The following EPRS1 variants were observed in gnomAD, a reference collection of about 807,000 sequenced individuals.
The protein encoded by EPRS1 is bifunctional glutamate/proline--tRNA ligase.
In EPRS1, 107 loss-of-function variants were observed where a neutral mutation model predicts 188.3. The ratio of observed to expected loss-of-function variants is 0.57; its 90% CI spans 0.49 to 0.67. The LOEUF (loss-of-function observed/expected upper bound fraction) is 0.67, where lower values mean the gene tolerates loss of function less well. EPRS1 is among the 30% of genes least tolerant of loss of function. EPRS1 has a pLI of 0.00. For missense variants in EPRS1, 1,577 were observed against 1,802.2 expected (o/e 0.88, Z 2.26); for synonymous variants, 596 against 593.1 (o/e 1.00, Z -0.07).
chr1:220,037,907 G>T (rs563005790), intron 2 of EPRS1, among the ~76,000 whole-genome samples: 2 of 152,034 alleles, frequency 1.3e-5, no homozygotes, highest in Non-Finnish European at 2.9e-5. Flanking sequence ...ATACTATGTG[G>T]CTCAGTAGTA....
At chr1:220,029,084 G>C (rs1662039085) in intron 6 of EPRS1, among the ~76,000 whole-genome samples, 1 of 152,100 alleles carries the variant, frequency 6.6e-6, no homozygotes, top group African/African-American at 2.4e-5. Context: ...AAATGTTCAA[G>C]TGGCGCAGCT....
intron 29 of EPRS1, 56 bp from the exon 30 acceptor site, chr1:219,972,203 T>C: frequency 8.9e-7 from 1 of 1,117,960 alleles, no homozygotes; most frequent in Admixed American, 2.3e-5. Context: ...ATGACAAAGT[T>C]TTATGAAACA....
chr1:220,015,213 C>T (rs1032642690), intron 12 of EPRS1, among the ~76,000 whole-genome samples: 3 of 152,092 alleles, frequency 2.0e-5, no homozygotes, highest in Non-Finnish European at 2.9e-5. Flanking sequence ...ACCTGTAATC[C>T]CAGCACTTTG....
At chr1:220,033,733 C>G in intron 3 of EPRS1, 75 bp from the exon 4 acceptor site, 2 of 1,055,920 alleles carry the variant, frequency 1.9e-6, no homozygotes, top group Non-Finnish European at 2.9e-6. Flanking sequence ...TAAAAAAATT[C>G]TAGTTAACTA....
intron 16 of EPRS1, among the ~76,000 whole-genome samples, chr1:220,004,547 A>C (rs1161241768): frequency 2.0e-5 from 3 of 152,190 alleles, no homozygotes; most frequent in Admixed American, 6.5e-5. Flanking sequence ...TGGGCAACAC[A>C]AACGACAGAG....
At chr1:220,026,868 GT>G (rs896365832) in intron 6 of EPRS1, among the ~76,000 whole-genome samples, 3 of 151,546 alleles carry the variant, frequency 2.0e-5, no homozygotes, top group Non-Finnish European at 2.9e-5. Flanking sequence ...AGGGGGAAAA[GT>G]TTATGAAATT....
intron 11 of EPRS1, 53 bp from the exon 12 acceptor site, chr1:220,018,561 T>C: frequency 8.6e-7 from 1 of 1,161,730 alleles, no homozygotes; most frequent in South Asian, 1.3e-5. Flanking sequence ...AATTAGAACT[T>C]TGCCTTTATT....
Position 220,007,267 on chromosome 1 carries a change from A to G in EPRS1, c.1677T>C (p.Thr559=). The change falls in exon 14 of 32, where the codon ACT becomes ACC. Residue 559 remains threonine, a synonymous_variant. Transcript: ENST00000366923. ...ATGTAACCATCTCACCCTCCGAAAA[A>G]GTCTCTGCATCAGCACCTTCAATGA... is the stretch of plus-strand genomic sequence containing the variant. The part of the protein sequence containing the change: ...KVFIEGADAE[T]FSEGEMVTFI... 6.2e-7 allele frequency: 1 copy of G among 1,613,934 alleles called. No individual in the cohort carries two copies. Among genetic ancestry groups the G allele is most frequent in the Non-Finnish European group, 8.5e-7 (1 of 1,179,862 alleles).
intron 12 of EPRS1, 47 bp from the exon 13 acceptor site, chr1:220,011,103 A>G (rs761238746): frequency 1.6e-5 from 17 of 1,056,562 alleles, no homozygotes; most frequent in Non-Finnish European, 2.2e-5. Context: ...TATCTTATAG[A>G]GCGCCATAAG....
In EPRS1 at chr1:220,020,180, C is replaced by T. The variant is rs1661841353; in HGVS notation, c.1157G>A (p.Ser386Asn). 6.2e-7 allele frequency: 1 copy of T among 1,613,938 alleles called. No homozygotes were observed. Among genetic ancestry groups the T allele is most frequent in the South Asian group, 1.1e-5 (1 of 91,042 alleles). Residue 386 changes from serine (S) to asparagine (N), a missense_variant, in exon 10 of 32, where the codon AGC (serine) becomes AAC (asparagine). Physicochemically the swap from Ser to Asn is conservative, Grantham distance 46 (BLOSUM62 1). Transcript: ENST00000366923. ...TYDFACPIVD[S>N]IEGVTHALRT... ...CAGGGCATGTGTAACACCTTCGATG[C>T]TGTCAACTATGGGGCAGGCAAAATC...
At chr1:220,001,085 C>T (rs1571673483) in intron 17 of EPRS1, 53 bp downstream of exon 17, 2 of 971,420 alleles carry the variant, frequency 2.1e-6, no homozygotes, top group East Asian at 2.4e-5. Flanking sequence ...TATTCTAAAC[C>T]CTGGGATAGA....
At chr1:220,001,671 G>A (rs1661354881) in intron 16 of EPRS1, among the ~76,000 whole-genome samples, 1 of 152,154 alleles carries the variant, frequency 6.6e-6, no homozygotes, top group Non-Finnish European at 1.5e-5. Flanking sequence ...ATAGTCCATT[G>A]TCTTACTATT....
chr1:219,983,000 T>C (rs1165234076), intron 22 of EPRS1, among the ~76,000 whole-genome samples, 156 bp from the exon 23 acceptor site: 2 of 152,244 alleles, frequency 1.3e-5, no homozygotes, highest in African/African-American at 4.8e-5. Flanking sequence ...AGGTACGCAC[T>C]TACTGACCTT....
In EPRS1 at chr1:220,024,106, C is replaced by T. The variant is rs561744688; in HGVS notation, c.943+158G>A. On this transcript the variant is annotated intron_variant, in intron 8 of 31. Transcript: ENST00000366923. ...GGCGGAGGTTGCAGTGAGCCGAGAT[C>T]GCGCCATTGTACTCCAGCCCAGGCA... Among the ~76,000 whole-genome samples, 21 of 152,224 alleles carry T rather than the reference C, an allele frequency of 1.4e-4. No homozygotes were observed. In the South Asian group the frequency reaches 4.2e-3, roughly 30 times the overall value.
chr1:219,969,280 T>G, intron 30 of EPRS1, 158 bp from the exon 31 acceptor site: 2 of 618,444 alleles, frequency 3.2e-6, no homozygotes, highest in Non-Finnish European at 5.7e-6. Context: ...CTAGGAACTT[T>G]GCTCAGTTAT....
At position 219,969,092 on chromosome 1, in the gene EPRS1, CA is replaced by C; in HGVS notation, c.4353del (p.Ile1451MetfsTer65). 1.2e-6 allele frequency: 2 copies of C among 1,612,720 alleles called. No homozygotes were observed. The highest frequency in any genetic ancestry group is 1.7e-6 in the Non-Finnish European group (2 of 1,178,842). ...GTCTTTTTGATCCAGTCCTCACAGT[CA>C]ATTTCCCCACAGAATGGAATCTGAA... Reference protein sequence around the residue: ...KIVQIPFCGEIDCEDWIKKTT... With the variant: ...KIVQIPFCGEXDCEDWIKKTT... On this transcript the variant is annotated frameshift_variant, in exon 31 of 32. Transcript: ENST00000366923. LOFTEE classifies it high-confidence loss of function.
rs35659781 is a variant in EPRS1 at position 220,027,427 on chromosome 1, CA to C, written c.624-2170del. 6.7e-3 allele frequency among the ~76,000 whole-genome samples: 922 copies of C among 138,110 alleles called. 12 individuals carry two copies. Among genetic ancestry groups the C allele is most frequent in the African/African-American group, 0.022 (812 of 36,914 alleles). 90.6% of individuals were successfully genotyped at this position (138,110 alleles called of 152,430 possible). On this transcript the variant is annotated intron_variant, in intron 6 of 31. Coordinates refer to ENST00000366923, the MANE Select transcript of EPRS1 (RefSeq NM_004446.3). ...CGGGCGACAGAGCAAGACTCCATCTCAAAAAAAAAAAAAAATTATCTGGGCG... is the reference window on the plus strand; with the variant it reads ...CGGGCGACAGAGCAAGACTCCATCTCAAAAAAAAAAAAAATTATCTGGGCG...
rs967237493 is a variant in EPRS1 at position 219,987,333 on chromosome 1, C to T, written c.2847G>A (p.Glu949=). ...CTCCAGTGGCCGACACAGGCTTATACTCTACTCCTATCAAAGACTTGTACT... is the reference window on the plus strand; with the variant it reads ...CTCCAGTGGCCGACACAGGCTTATATTCTACTCCTATCAAAGACTTGTACT... ...KAQYKSLIGV[E]YKPVSATGAE... Residue 949 remains glutamate (E), a synonymous_variant, in exon 20 of 32, where the codon GAG becomes GAA. Transcript: ENST00000366923. The T allele has an allele frequency of 1.2e-6, 2 of 1,613,914 alleles. No individual in the cohort carries two copies. Among genetic ancestry groups the T allele is most frequent in the African/African-American group, 1.3e-5 (1 of 75,030 alleles).
At chr1:220,039,612 A>C (rs2647478) in intron 2 of EPRS1, among the ~76,000 whole-genome samples, 1 of 151,358 alleles carries the variant, frequency 6.6e-6, no homozygotes, top group Non-Finnish European at 1.5e-5. Flanking sequence ...TCCGCCTCCC[A>C]GGTTCAAGCA....
Sources: allele counts gnomAD v4.1 joint callset (sites outside exome capture counted in the v4.1 genomes callset), GRCh38; gene constraint gnomAD v4.1.1; transcripts MANE v1.5; gene names NCBI Gene and HGNC (gene_info 2026-07-23, HGNC 2026-07-21).